Variants in BMP8A observed in about 807,000 individuals in gnomAD.
BMP8A encodes the protein bone morphogenetic protein 8a.
In BMP8A, 14 loss-of-function variants were observed where a neutral mutation model predicts 36.8. That is an observed-to-expected ratio of 0.38 (90% CI 0.25 to 0.60). The LOEUF (loss-of-function observed/expected upper bound fraction) is 0.60. BMP8A is among the 20% of genes least tolerant of loss of function. The pLI is 0.63. For synonymous variants in BMP8A, 120 were observed against 237.7 expected (o/e 0.50, Z 4.55); for missense variants, 267 against 551.1 (o/e 0.48, Z 5.16).
rs1645490762 is a variant in BMP8A at position 39,527,126 on chromosome 1, C to A, written c.*1328C>A. On this transcript the variant is annotated 3_prime_UTR_variant, in exon 7 of 7. Coordinates refer to ENST00000331593, the MANE Select transcript of BMP8A (RefSeq NM_181809.4). ...TGTCTAGGAGTTATGAACAAGCTGGCCACCAAAATTGGCGTCACCCTGGGT... is the reference window on the plus strand; with the variant it reads ...TGTCTAGGAGTTATGAACAAGCTGGACACCAAAATTGGCGTCACCCTGGGT... Among the ~76,000 whole-genome samples the A allele has an allele frequency of 6.6e-6, 1 of 152,162 alleles. No individual in the cohort carries two copies. The highest frequency in any genetic ancestry group is 2.1e-4 in the South Asian group (1 of 4,832).
At chr1:39,504,515 G>A (rs1448323831) in intron 1 of BMP8A, among the ~76,000 whole-genome samples, 1 of 152,228 alleles carries the variant, frequency 6.6e-6, no homozygotes, top group African/African-American at 2.4e-5. Flanking sequence ...GTAAAGAGCA[G>A]TATTGCCACC....
At chr1:39,494,414 G>C (rs774552264) in intron 1 of BMP8A, among the ~76,000 whole-genome samples, 1 of 148,000 alleles carries the variant, frequency 6.8e-6, no homozygotes, top group African/African-American at 2.5e-5. Context: ...GTAGTGGTGC[G>C]ATTATAGCTC....
intron 1 of BMP8A, among the ~76,000 whole-genome samples, chr1:39,497,599 G>T (rs1257309556): frequency 6.6e-6 from 1 of 152,184 alleles, no homozygotes; most frequent in Non-Finnish European, 1.5e-5. Flanking sequence ...CCAGGCAGAA[G>T]CCCCACCTGC....
chr1:39,494,674 C>T (rs1350966755), intron 1 of BMP8A, among the ~76,000 whole-genome samples: 1 of 152,134 alleles, frequency 6.6e-6, no homozygotes, highest in East Asian at 1.9e-4. Context: ...CTTTCACAGC[C>T]TTACAATTCC....
intron 1 of BMP8A, among the ~76,000 whole-genome samples, chr1:39,496,450 C>T (rs1022361267): frequency 4.0e-5 from 6 of 151,360 alleles, no homozygotes; most frequent in African/African-American, 4.9e-5. Flanking sequence ...ATCCTGACGC[C>T]AACACCTGAT....
At chr1:39,508,265 GAAAAAAGA>G (rs1557689501) in intron 1 of BMP8A, among the ~76,000 whole-genome samples, 129 of 144,088 alleles carry the variant, frequency 9.0e-4, no homozygotes, top group South Asian at 1.3e-3. Flanking sequence ...AAAAAAAAAA[GAAAAAAGA>G]AAAAAAGAAA....
At chr1:39,514,567 C>T (rs2124366424) in intron 3 of BMP8A, among the ~76,000 whole-genome samples, 1 of 151,250 alleles carries the variant, frequency 6.6e-6, no homozygotes, top group Admixed American at 6.6e-5. Context: ...CACCCAGCGG[C>T]GCCTGCTCAT....
chr1:39,515,546 CCTTTTGGAGCG>C, intron 3 of BMP8A: 2 of 1,315,044 alleles, frequency 1.5e-6, no homozygotes, highest in Non-Finnish European at 2.1e-6. Context: ...GCGACCACTT[CCTTTTGGAGCG>C]CGCCATCCGG....
At chr1:39,517,605 T>C (rs1175130071) in intron 3 of BMP8A, among the ~76,000 whole-genome samples, 1 of 152,236 alleles carries the variant, frequency 6.6e-6, no homozygotes. Flanking sequence ...CTTGAGCCAT[T>C]GCACCCGGCC....
intron 1 of BMP8A, among the ~76,000 whole-genome samples, chr1:39,504,540 G>A (rs1011477100): frequency 5.3e-5 from 8 of 152,084 alleles, no homozygotes; most frequent in Non-Finnish European, 1.0e-4. Flanking sequence ...TGTCTCAGTC[G>A]GTATAGTGTG....
intron 1 of BMP8A, among the ~76,000 whole-genome samples, chr1:39,506,409 A>G (rs1276639596): frequency 2.0e-5 from 3 of 151,994 alleles, no homozygotes; most frequent in South Asian, 4.2e-4. Flanking sequence ...GGGTTTCACC[A>G]TCTTGGCCAG....
chr1:39,525,201 G>A (rs371217082), intron 6 of BMP8A: 3 of 170,688 alleles, frequency 1.8e-5, no homozygotes, highest in East Asian at 3.3e-4. Flanking sequence ...GCCTCCCAGA[G>A]CCTGGGGAGG....
chr1:39,499,547 C>T lies in BMP8A; in HGVS notation c.334+7222C>T, dbSNP rs191691549. On this transcript the variant is annotated intron_variant, in intron 1 of 6. Transcript: ENST00000331593. The stretch of plus-strand genomic sequence containing the variant: ...AAATAGCCAGAGCCCTTGTTGATGT[C>T]GAACTGAGGGTCGCAGGGTTTGGCA... Among the ~76,000 whole-genome samples, 242 of 152,308 alleles carry T rather than the reference C, an allele frequency of 1.6e-3. 1 individual carries two copies. Among genetic ancestry groups the T allele is most frequent in the African/African-American group, 5.6e-3 (232 of 41,568 alleles).
intron 1 of BMP8A, among the ~76,000 whole-genome samples, 179 bp from the exon 2 acceptor site, chr1:39,510,995 A>C (rs1168545677): frequency 6.6e-6 from 1 of 151,864 alleles, no homozygotes; most frequent in East Asian, 1.9e-4. Context: ...CCCTGTCTAC[A>C]CCCCGGGACC....
rs1645494698 is a variant in BMP8A, at chr1:39,527,495, G to GTGC, written c.*1701_*1703dup. ...AAGGATGCGCCTCTCTGGAGTTCAC[G>GTGC]TGCTGCACCCCCAGGGAGGGGCCTG... On this transcript the variant is annotated 3_prime_UTR_variant, in exon 7 of 7. Transcript: ENST00000331593. Among the ~76,000 whole-genome samples the GTGC allele has an allele frequency of 2.6e-5, 4 of 152,330 alleles. No homozygotes were observed. Among genetic ancestry groups the GTGC allele is most frequent in the African/African-American group, 9.6e-5 (4 of 41,574 alleles).
At chr1:39,508,060 G>C (rs1645317320) in intron 1 of BMP8A, among the ~76,000 whole-genome samples, 1 of 152,126 alleles carries the variant, frequency 6.6e-6, no homozygotes, top group Admixed American at 6.5e-5. Flanking sequence ...GACCATCCTG[G>C]CTAACACGGT....
chr1:39,510,758 C>T (rs1475714845), intron 1 of BMP8A, among the ~76,000 whole-genome samples: 1 of 152,234 alleles, frequency 6.6e-6, no homozygotes, highest in Admixed American at 6.5e-5. Flanking sequence ...TCCCTGTCTA[C>T]CAGGTTTCCC....
chr1:39,497,825 C>T (rs1009190133), intron 1 of BMP8A, among the ~76,000 whole-genome samples: 3 of 152,182 alleles, frequency 2.0e-5, no homozygotes, highest in Non-Finnish European at 4.4e-5. Flanking sequence ...GGAACCTGGG[C>T]CTGGTCAGGT....
Position 39,522,425 on chromosome 1 carries a change from C to G in BMP8A, c.891C>G (p.Gly297=), listed in dbSNP as rs1372878522. ...GIFDDVRGSH[G]RQVCRRHELY... ...CAGATGACGTCCGCGGCTCCCACGG[C>G]CGGCAGGTCTGCCGTCGGCACGAGC... Residue 297 remains glycine, a synonymous_variant, in exon 5 of 7, where the codon GGC becomes GGG. Coordinates refer to ENST00000331593, the MANE Select transcript of BMP8A (RefSeq NM_181809.4). 1 of 1,610,386 alleles carries G rather than the reference C, an allele frequency of 6.2e-7. No homozygotes were observed. The highest frequency in any genetic ancestry group is 1.7e-5 in the Admixed American group (1 of 59,106).
Sources: allele counts gnomAD v4.1 joint callset (sites outside exome capture counted in the v4.1 genomes callset), GRCh38; gene constraint gnomAD v4.1.1; transcripts MANE v1.5; gene names NCBI Gene and HGNC (gene_info 2026-07-23, HGNC 2026-07-21).